ANO3: variants seen among roughly 807,000 people sequenced by gnomAD.
ANO3 encodes anoctamin-3.
ANO3 carries 99 observed loss-of-function variants against 144.8 expected under a neutral mutation model. That is an observed-to-expected ratio of 0.68 (90% CI 0.58 to 0.81). ANO3 has a LOEUF of 0.81. Among genes scored for constraint, ANO3 ranks in the 30% least tolerant of loss-of-function variants. ANO3 has a pLI of 0.00. For missense variants in ANO3, 905 were observed against 1,202.2 expected (o/e 0.75, Z 3.66); for synonymous variants, 414 against 392.6 (o/e 1.05, Z -0.64).
intron 1 of ANO3, among the ~76,000 whole-genome samples, chr11:26,198,273 G>A (rs1005192690): frequency 4.6e-5 from 7 of 152,012 alleles, no homozygotes; most frequent in Admixed American, 4.6e-4. Flanking sequence ...TCATATCCTG[G>A]ATATTGTCAC....
At chr11:26,446,488 A>G (rs1285826994) in intron 3 of ANO3, among the ~76,000 whole-genome samples, 1 of 152,212 alleles carries the variant, frequency 6.6e-6, no homozygotes, top group East Asian at 1.9e-4. Context: ...TTGAGGATTG[A>G]TATTTCTCAT....
chr11:26,433,260 TA>T (rs1391010594), intron 1 of ANO3, among the ~76,000 whole-genome samples: 1 of 152,314 alleles, frequency 6.6e-6, no homozygotes, highest in East Asian at 1.9e-4. Flanking sequence ...GAAACTTTGC[TA>T]AAATTGTTTA....
chr11:26,419,459 C>A (rs915698003), intron 1 of ANO3, among the ~76,000 whole-genome samples: 9 of 152,010 alleles, frequency 5.9e-5, no homozygotes, highest in African/African-American at 2.2e-4. Context: ...GAATGCCTAC[C>A]ATGTATTGCA....
chr11:26,654,881 G>A (rs888884391), intron 24 of ANO3, among the ~76,000 whole-genome samples: 1 of 152,086 alleles, frequency 6.6e-6, no homozygotes, highest in Non-Finnish European at 1.5e-5. Context: ...TGTTAATGTA[G>A]TGAGTTCCAC....
chr11:26,598,684 AAT>A (rs1467716157), intron 15 of ANO3, among the ~76,000 whole-genome samples, 172 bp from the exon 16 acceptor site: 1 of 152,214 alleles, frequency 6.6e-6, no homozygotes, highest in Non-Finnish European at 1.5e-5. Context: ...TGCTAATTTC[AAT>A]ACTGCTCGGG....
intron 17 of ANO3, among the ~76,000 whole-genome samples, chr11:26,612,000 T>C (rs1852113230): frequency 1.3e-5 from 2 of 152,274 alleles, no homozygotes; most frequent in South Asian, 4.1e-4. Context: ...TTTGTCTTAA[T>C]GGCGAGGTGA....
At chr11:26,259,562 C>T (rs1488654257) in intron 1 of ANO3, among the ~76,000 whole-genome samples, 3 of 65,186 alleles carry the variant, frequency 4.6e-5, no homozygotes, top group South Asian at 6.3e-4. Flanking sequence ...GCAGGAGAAT[C>T]GCTTGAACGT....
At chr11:26,474,160 C>T in intron 4 of ANO3, 1 of 933,484 alleles carries the variant, frequency 1.1e-6, no homozygotes. Flanking sequence ...TCTAGGAATT[C>T]TATACTATTT....
intron 2 of ANO3, 96 bp from the exon 3 acceptor site, chr11:26,443,669 A>G (rs1858606830): frequency 3.5e-6 from 2 of 569,618 alleles, no homozygotes; most frequent in Non-Finnish European, 6.1e-6. Context: ...AAATTTCATC[A>G]TGTTTGGCCA....
intron 1 of ANO3, among the ~76,000 whole-genome samples, chr11:26,352,384 T>A (rs1270519592): frequency 1.3e-5 from 2 of 152,312 alleles, no homozygotes; most frequent in East Asian, 1.9e-4. Context: ...TTTTTATTTT[T>A]AAAATATATT....
chr11:26,201,778 A>C (rs1236808973), intron 1 of ANO3, among the ~76,000 whole-genome samples: 3 of 146,826 alleles, frequency 2.0e-5, no homozygotes, highest in African/African-American at 7.5e-5. Flanking sequence ...TTTTTTTTTT[A>C]ACATTCAAGC....
At chr11:26,586,080 C>G (rs187383010) in intron 14 of ANO3, among the ~76,000 whole-genome samples, 64 of 152,296 alleles carry the variant, frequency 4.2e-4, no homozygotes, top group Middle Eastern at 3.4e-3. Flanking sequence ...CTACCTCTTC[C>G]ATCAGCACAA....
intron 1 of ANO3, among the ~76,000 whole-genome samples, chr11:26,377,698 A>G (rs1856454481): frequency 6.6e-6 from 1 of 152,118 alleles, no homozygotes; most frequent in African/African-American, 2.4e-5. Context: ...CAAACACATA[A>G]ATGAAAACAA....
intron 1 of ANO3, among the ~76,000 whole-genome samples, chr11:26,427,729 G>A (rs72886223): frequency 0.052 from 7,974 of 152,050 alleles, 246 homozygotes; most frequent in African/African-American, 0.081. Flanking sequence ...AGACATACCC[G>A]AGACTTGGTA....
At chr11:26,458,571 C>T (rs1859254211) in intron 3 of ANO3, among the ~76,000 whole-genome samples, 1 of 152,066 alleles carries the variant, frequency 6.6e-6, no homozygotes, top group Admixed American at 6.5e-5. Context: ...GTGAGAATAG[C>T]CTAAAACAGC....
At chr11:26,464,209 AC>A (rs138183714) in intron 4 of ANO3, among the ~76,000 whole-genome samples, 10,747 of 151,772 alleles carry the variant, frequency 0.071, 624 homozygotes, top group African/African-American at 0.16. Context: ...TTTCTTTATT[AC>A]TGTTTGTTTG....
At chr11:26,620,104 CTTCT>C (rs1852372846) in intron 17 of ANO3, among the ~76,000 whole-genome samples, 1 of 152,100 alleles carries the variant, frequency 6.6e-6, no homozygotes, top group South Asian at 2.1e-4. Flanking sequence ...TACCATTTTT[CTTCT>C]TTATTTTGCT....
chr11:26,414,122 A>G (rs1314829970), intron 1 of ANO3, among the ~76,000 whole-genome samples: 4 of 152,090 alleles, frequency 2.6e-5, no homozygotes, highest in African/African-American at 7.2e-5. Flanking sequence ...AGAAATAGGA[A>G]TGCTTTTACA....
chr11:26,471,853 CT>C (rs1281195657), intron 4 of ANO3, among the ~76,000 whole-genome samples: 4 of 151,954 alleles, frequency 2.6e-5, no homozygotes, highest in Non-Finnish European at 4.4e-5. Context: ...TTTCTCTCCC[CT>C]GACACTAATG....
Sources: gnomAD v4.1 joint callset for allele counts (sites outside exome capture counted in the v4.1 genomes callset) on GRCh38, gnomAD v4.1.1 for gene constraint, MANE v1.5 for transcripts, NCBI Gene and HGNC (gene_info 2026-07-23, HGNC 2026-07-21) for gene names.